The following MTSS1 variants were observed in gnomAD, a reference collection of about 807,000 sequenced individuals.
MTSS1 encodes the protein MTSS I-BAR domain containing 1.
Under a neutral mutation model 79.0 loss-of-function variants are expected in MTSS1, and 18 were observed. The ratio of observed to expected loss-of-function variants is 0.23; its 90% CI spans 0.16 to 0.34. The LOEUF (loss-of-function observed/expected upper bound fraction) is 0.34. Among genes scored for constraint, MTSS1 ranks in the 10% least tolerant of loss-of-function variants. MTSS1 has a pLI of 1.00. For missense variants in MTSS1, 815 were observed against 986.2 expected (o/e 0.83, Z 2.33); for synonymous variants, 341 against 368.6 (o/e 0.93, Z 0.86).
chr8:124,627,273 C>A (rs1368924299), intron 3 of MTSS1, among the ~76,000 whole-genome samples: 1 of 152,160 alleles, frequency 6.6e-6, no homozygotes, highest in Non-Finnish European at 1.5e-5. Context: ...AGTTGGTACT[C>A]AAAAGATGAG....
intron 3 of MTSS1, among the ~76,000 whole-genome samples, chr8:124,662,192 G>A (rs759053747): frequency 3.9e-5 from 6 of 152,040 alleles, no homozygotes; most frequent in South Asian, 2.1e-4. Flanking sequence ...CAACGTCAAC[G>A]CTATAATTCC....
At chr8:124,570,597 G>A (rs1827549957) in intron 6 of MTSS1, among the ~76,000 whole-genome samples, 1 of 152,154 alleles carries the variant, frequency 6.6e-6, no homozygotes, top group African/African-American at 2.4e-5. Flanking sequence ...TAAGGTTCGG[G>A]TACTATCTGC....
chr8:124,576,881 T>A (rs1440584015), intron 6 of MTSS1, among the ~76,000 whole-genome samples: 1 of 149,034 alleles, frequency 6.7e-6, no homozygotes, highest in Non-Finnish European at 1.5e-5. Context: ...TGTTTTGTAT[T>A]TGGTCGAAAA....
chr8:124,623,423 T>G (rs1366765494), intron 3 of MTSS1, among the ~76,000 whole-genome samples: 1 of 152,228 alleles, frequency 6.6e-6, no homozygotes, highest in East Asian at 1.9e-4. Context: ...CCACATTTTC[T>G]TTTACCAAAC....
At chr8:124,610,233 C>T (rs554197496) in intron 3 of MTSS1, among the ~76,000 whole-genome samples, 40 of 152,252 alleles carry the variant, frequency 2.6e-4, no homozygotes, top group East Asian at 5.8e-4. Flanking sequence ...AACAAAACAA[C>T]GAATCAAGTC....
chr8:124,661,920 C>T (rs575749381), intron 3 of MTSS1, among the ~76,000 whole-genome samples: 21 of 152,308 alleles, frequency 1.4e-4, no homozygotes, highest in South Asian at 4.2e-4. Context: ...TTCATCTTCA[C>T]GTCCTTTGTG....
chr8:124,700,138 C>CAAAA (rs35425469), intron 2 of MTSS1, among the ~76,000 whole-genome samples: 1 of 135,944 alleles, frequency 7.4e-6, no homozygotes. Context: ...GACTCTGCCT[C>CAAAA]AAAAAAAAAA....
At chr8:124,646,361 G>T (rs950806601) in intron 3 of MTSS1, among the ~76,000 whole-genome samples, 1 of 152,022 alleles carries the variant, frequency 6.6e-6, no homozygotes, top group Non-Finnish European at 1.5e-5. Flanking sequence ...GTAAATAAAT[G>T]ACCATAGAGT....
chr8:124,704,808 T>C (rs147433808), intron 1 of MTSS1, among the ~76,000 whole-genome samples: 104 of 152,304 alleles, frequency 6.8e-4, no homozygotes, highest in African/African-American at 2.4e-3. Context: ...TTCATGTAGT[T>C]CTAGTTCTAA....
chr8:124,552,885 G>A lies in MTSS1; in HGVS notation c.*107C>T, dbSNP rs981936636. On this transcript the variant is annotated 3_prime_UTR_variant, in exon 14 of 14. Transcript: ENST00000518547. ...AGTACTTTCAAAAGAGCTATATTCC[G>A]AGTTGCCTACAAAATCTTTTGTTTT... is the stretch of plus-strand genomic sequence containing the variant. 2.2e-5 allele frequency: 25 copies of A among 1,127,936 alleles called. No homozygotes were observed. The highest frequency in any genetic ancestry group is 3.1e-5 in the South Asian group (2 of 63,574). The allele number at this position is 1,127,936 out of a possible 1,614,324, so 69.9% of individuals were successfully genotyped here.
intron 3 of MTSS1, among the ~76,000 whole-genome samples, chr8:124,638,970 C>G (rs1345375659): frequency 1.3e-5 from 2 of 152,210 alleles, no homozygotes; most frequent in African/African-American, 4.8e-5. Flanking sequence ...CAAGCACTTA[C>G]TACACATTGT....
At chr8:124,628,655 C>T (rs1285472492) in intron 3 of MTSS1, among the ~76,000 whole-genome samples, 1 of 148,742 alleles carries the variant, frequency 6.7e-6, no homozygotes, top group Non-Finnish European at 1.5e-5. Flanking sequence ...ATTTCCCTAA[C>T]ATCTAATTAT....
intron 1 of MTSS1, among the ~76,000 whole-genome samples, chr8:124,718,276 A>G (rs1235004207): frequency 1.3e-5 from 2 of 151,310 alleles, no homozygotes; most frequent in Non-Finnish European, 2.9e-5. Flanking sequence ...TTTTTTAAGA[A>G]AAAAGCTTCC....
intron 3 of MTSS1, among the ~76,000 whole-genome samples, chr8:124,678,328 A>T (rs1825632539): frequency 6.6e-6 from 1 of 152,234 alleles, no homozygotes; most frequent in African/African-American, 2.4e-5. Flanking sequence ...GAGGAGACCT[A>T]AAAACATCCT....
chr8:124,611,037 C>T (rs1461947911), intron 3 of MTSS1, among the ~76,000 whole-genome samples: 3 of 151,464 alleles, frequency 2.0e-5, no homozygotes, highest in Non-Finnish European at 4.4e-5. Context: ...CAGCCAGGTG[C>T]CTTGTATCCA....
rs1049852427 is a variant in MTSS1, at chr8:124,585,109, T to C, written c.438A>G (p.Lys146=). Residue 146 remains lysine (K), a synonymous_variant, in exon 6 of 14, where the codon AAA becomes AAG. Transcript: ENST00000518547. ...TACCTTTTTTTGCTTTCTTCTGCAG[T>C]TTCAGCGTATCCGAGGACTTCTTTT... ...EIKKKSSDTL[K]LQKKAKKGRG... The C allele has an allele frequency of 1.9e-6, 3 of 1,613,744 alleles. No homozygotes were observed. Among genetic ancestry groups the C allele is most frequent in the Non-Finnish European group, 1.7e-6 (2 of 1,179,920 alleles).
chr8:124,583,821 T>C (rs1160364262), intron 6 of MTSS1, among the ~76,000 whole-genome samples: 3 of 152,218 alleles, frequency 2.0e-5, no homozygotes, highest in Non-Finnish European at 4.4e-5. Flanking sequence ...TGGAATATGG[T>C]AGTAATTTTA....
chr8:124,568,049 G>C, intron 7 of MTSS1: 1 of 1,025,388 alleles, frequency 9.8e-7, no homozygotes, highest in Non-Finnish European at 1.3e-6. Flanking sequence ...GTTTGGACTT[G>C]GTGGGTCTGG....
chr8:124,699,192 C>T (rs967508331), intron 3 of MTSS1: 46 of 253,748 alleles, frequency 1.8e-4, no homozygotes, highest in African/African-American at 1.0e-3. Context: ...GGAAAACCCA[C>T]GTAAGGAGGA....
Sources: gnomAD v4.1 joint callset for allele counts (sites outside exome capture counted in the v4.1 genomes callset) on GRCh38, gnomAD v4.1.1 for gene constraint, MANE v1.5 for transcripts, NCBI Gene and HGNC (gene_info 2026-07-23, HGNC 2026-07-21) for gene names.